Variants in MEIOC observed in about 807,000 individuals in gnomAD.
The protein encoded by MEIOC is meiosis-specific coiled-coil domain-containing protein MEIOC.
Under a neutral mutation model 85.3 loss-of-function variants are expected in MEIOC, and 9 were observed. The observed-to-expected ratio is 0.11, with a 90% CI of 0.06 to 0.18. The LOEUF (loss-of-function observed/expected upper bound fraction) is 0.18, where lower values mean the gene tolerates loss of function less well. MEIOC is among the 10% of genes least tolerant of loss of function. MEIOC has a pLI of 1.00. For synonymous variants in MEIOC, 365 were observed against 393.7 expected (o/e 0.93, Z 0.86); for missense variants, 898 against 1,129.4 (o/e 0.80, Z 2.94).
Position 44,674,016 on chromosome 17 carries a change from G to C in MEIOC, c.2679G>C (p.Val893=). The change falls in exon 8 of 8, where the codon GTG becomes GTC. Residue 893 remains valine, a synonymous_variant. Coordinates refer to ENST00000409122, the MANE Select transcript of MEIOC (RefSeq NM_001145080.3). ...ALASAIKEMC[V]ATRKTRTALW... ...CTTCTGCAATTAAAGAGATGTGTGTGGCTACTCGGAAAACACGCACTGCCC... is the reference window on the plus strand; with the variant it reads ...CTTCTGCAATTAAAGAGATGTGTGTCGCTACTCGGAAAACACGCACTGCCC... The C allele has an allele frequency of 6.4e-7, 1 of 1,551,672 alleles. No individual in the cohort carries two copies. The highest frequency in any genetic ancestry group is 1.7e-4 in the Middle Eastern group (1 of 5,992).
intron 2 of MEIOC, among the ~76,000 whole-genome samples, chr17:44,660,423 C>T (rs950989160): frequency 2.6e-5 from 4 of 151,682 alleles, no homozygotes; most frequent in African/African-American, 4.8e-5. Flanking sequence ...GTATTTTTGT[C>T]GAAACGGGCT....
intron 3 of MEIOC, 172 bp from the exon 4 acceptor site, chr17:44,665,212 A>G (rs2144664513): frequency 7.0e-6 from 7 of 1,002,272 alleles, no homozygotes; most frequent in Non-Finnish European, 8.9e-6. Flanking sequence ...ACATTTCCAC[A>G]TAAAAATATT....
At chr17:44,665,308 A>G in intron 3 of MEIOC, 76 bp from the exon 4 acceptor site, 1 of 970,718 alleles carries the variant, frequency 1.0e-6, no homozygotes, top group Non-Finnish European at 1.4e-6. Flanking sequence ...TTTTATAGAT[A>G]AAGATGGTAA....
Position 44,657,123 on chromosome 17 carries a change from G to A in MEIOC, c.70-4G>A. 2 of 1,548,576 alleles carry A rather than the reference G, an allele frequency of 1.3e-6. No individual in the cohort carries two copies. Among genetic ancestry groups the A allele is most frequent in the Non-Finnish European group, 1.7e-6 (2 of 1,146,472 alleles). On this transcript the variant is annotated splice_polypyrimidine_tract_variant and splice_region_variant and intron_variant, in intron 1 of 7. Coordinates refer to ENST00000409122, the MANE Select transcript of MEIOC (RefSeq NM_001145080.3). ...CTGATATTTCCTATTCCCGTGTGCT[G>A]CAGCCCAAAGTCGCGTTCCCCGGAG...
intron 5 of MEIOC, among the ~76,000 whole-genome samples, chr17:44,668,873 AGTGT>A (rs1971954165): frequency 1.1e-4 from 16 of 152,188 alleles, no homozygotes; most frequent in Admixed American, 1.0e-3. Flanking sequence ...TGAATTTTGT[AGTGT>A]TAACCTGTTG....
chr17:44,667,835 G>A lies in MEIOC; in HGVS notation c.1924G>A (p.Gly642Ser). The change falls in exon 5 of 8, where the codon GGT becomes AGT. Residue 642 changes from glycine (G) to serine (S), a missense_variant. Physicochemically the swap from Gly to Ser is moderately conservative, Grantham distance 56. Coordinates refer to ENST00000409122, the MANE Select transcript of MEIOC (RefSeq NM_001145080.3). ...NTYQDLLESQ[G>S]HSNSHRTRGG... Reference sequence around the variant, plus strand: ...ATACCAAGATCTACTGGAGTCACAGGGTCATTCTAATAGCCACAGAACGAG... The same window carrying A: ...ATACCAAGATCTACTGGAGTCACAGAGTCATTCTAATAGCCACAGAACGAG... 1.2e-6 allele frequency: 2 copies of A among 1,613,916 alleles called. No homozygotes were observed. Among genetic ancestry groups the A allele is most frequent in the Middle Eastern group, 1.6e-4 (1 of 6,062 alleles).
chr17:44,666,163 C>T (rs1030322944), intron 4 of MEIOC, among the ~76,000 whole-genome samples: 5 of 152,048 alleles, frequency 3.3e-5, no homozygotes, highest in Non-Finnish European at 5.9e-5. Flanking sequence ...ACAGCGAAGA[C>T]ATTAAAATGC....
chr17:44,658,927 T>C (rs1175326806), intron 2 of MEIOC, among the ~76,000 whole-genome samples: 1 of 151,820 alleles, frequency 6.6e-6, no homozygotes, highest in Non-Finnish European at 1.5e-5. Flanking sequence ...TTAAAATATG[T>C]TTTTTTTCGT....
downstream of MEIOC, chr17:44,675,962 C>G (rs1972069600): frequency 5.6e-6 from 1 of 178,872 alleles, no homozygotes; most frequent in Non-Finnish European, 1.1e-5. Context: ...TTCAGATATC[C>G]ATGGATCTAA....
intron 2 of MEIOC, among the ~76,000 whole-genome samples, chr17:44,658,337 A>C (rs1971794258): frequency 6.7e-6 from 1 of 148,276 alleles, no homozygotes; most frequent in Non-Finnish European, 1.5e-5. Flanking sequence ...TTGTATTTTT[A>C]GTAGATACGG....
Position 44,675,363 on chromosome 17 carries a change from T to C in MEIOC, c.*1167T>C. 1 of 968,186 alleles carries C rather than the reference T, an allele frequency of 1.0e-6. No homozygotes were observed. The highest frequency in any genetic ancestry group is 1.2e-6 in the Non-Finnish European group (1 of 814,204). The allele number at this position is 968,186 out of a possible 1,614,324, so 60.0% of individuals were successfully genotyped here. On this transcript the variant is annotated 3_prime_UTR_variant, in exon 8 of 8. Coordinates refer to ENST00000409122, the MANE Select transcript of MEIOC (RefSeq NM_001145080.3). ...TTTATTCGTTAATATGAAATGTTGGTATTATGTGACTCAGAAGATCTTGGG... is the reference window on the plus strand; with the variant it reads ...TTTATTCGTTAATATGAAATGTTGGCATTATGTGACTCAGAAGATCTTGGG...
At position 44,656,710 on chromosome 17, in the gene MEIOC, G is replaced by C. The variant is rs750987105; in HGVS notation, c.69+28G>C. On this transcript the variant is annotated intron_variant, in intron 1 of 7. Coordinates refer to ENST00000409122, the MANE Select transcript of MEIOC (RefSeq NM_001145080.3). ...AATGGATGAGGAAGGGCAGGGTCCA[G>C]GGGGCGGCCAGACTTGCAAGAGGCG... The C allele has an allele frequency of 5.4e-5, 79 of 1,473,964 alleles. No individual in the cohort carries two copies. In the Middle Eastern group the frequency reaches 9.5e-4, roughly 18 times the overall value. The allele number at this position is 1,473,964 out of a possible 1,614,324, so 91.3% of individuals were successfully genotyped here.
intron 5 of MEIOC, among the ~76,000 whole-genome samples, chr17:44,668,779 G>C (rs569878049): frequency 3.2e-4 from 49 of 152,300 alleles, no homozygotes; most frequent in African/African-American, 1.2e-3. Flanking sequence ...AAAAATGCTT[G>C]ACATTTTAAA....
intron 4 of MEIOC, 131 bp from the exon 5 acceptor site, chr17:44,666,245 G>T: frequency 1.4e-6 from 1 of 698,718 alleles, no homozygotes. Flanking sequence ...TTATAAAGCA[G>T]AGTTGAAAGG....
chr17:44,666,706 T>C lies in MEIOC; in HGVS notation c.795T>C (p.Leu265=). Residue 265 remains leucine, a synonymous_variant, in exon 5 of 8, where the codon CTT becomes CTC. Transcript: ENST00000409122. ...AGACAACATTCCAAGAATATCCACTTATCAAAAACTGTTTTACACCCCAAA... is the reference window on the plus strand; with the variant it reads ...AGACAACATTCCAAGAATATCCACTCATCAAAAACTGTTTTACACCCCAAA... ...TAKTTFQEYP[L]IKNCFTPQTG... The C allele has an allele frequency of 6.2e-7, 1 of 1,612,976 alleles. No individual in the cohort carries two copies. Among genetic ancestry groups the C allele is most frequent in the East Asian group, 2.2e-5 (1 of 44,852 alleles).
chr17:44,663,238 A>G (rs1225294843), intron 3 of MEIOC, among the ~76,000 whole-genome samples: 2 of 151,866 alleles, frequency 1.3e-5, no homozygotes, highest in East Asian at 3.9e-4. Flanking sequence ...GAATTTAAAC[A>G]TGGCAAATAT....
In MEIOC at chr17:44,662,439, A is replaced by G. The variant is rs1214093249; in HGVS notation, c.327A>G (p.Gln109=). 2 of 1,546,280 alleles carry G rather than the reference A, an allele frequency of 1.3e-6. No homozygotes were observed. The highest frequency in any genetic ancestry group is 2.4e-5 in the East Asian group (1 of 40,874). ...CTACTTATGGAGATGACATTAAACA[A>G]CCTTCTAATTCTCAGATCAGTATAA... ...PWSTYGDDIK[Q]PSNSQISIKN... Residue 109 remains glutamine, a synonymous_variant, in exon 3 of 8, where the codon CAA becomes CAG. Coordinates refer to ENST00000409122, the MANE Select transcript of MEIOC (RefSeq NM_001145080.3).
At chr17:44,663,343 A>T (rs902599563) in intron 3 of MEIOC, among the ~76,000 whole-genome samples, 14 of 152,136 alleles carry the variant, frequency 9.2e-5, no homozygotes, top group East Asian at 5.8e-4. Flanking sequence ...TATTGCAAAG[A>T]GGAGCCCTAA....
intron 5 of MEIOC, among the ~76,000 whole-genome samples, chr17:44,669,117 C>T (rs907381931): frequency 2.0e-5 from 3 of 151,874 alleles, no homozygotes; most frequent in East Asian, 1.9e-4. Context: ...GCAGGAGAAT[C>T]GCTTGAACCC....
Sources: gnomAD v4.1 joint callset for allele counts (sites outside exome capture counted in the v4.1 genomes callset) on GRCh38, gnomAD v4.1.1 for gene constraint, MANE v1.5 for transcripts, NCBI Gene and HGNC (gene_info 2026-07-23, HGNC 2026-07-21) for gene names.